The following NEB variants were observed in gnomAD, a reference collection of about 807,000 sequenced individuals.
NEB encodes the protein nemaline myopathy type 2.
A neutral mutation model predicts 952.2 loss-of-function variants in NEB; 512 were observed. The ratio of observed to expected loss-of-function variants is 0.54; its 90% CI spans 0.50 to 0.58. The LOEUF (loss-of-function observed/expected upper bound fraction) is 0.58, where lower values mean the gene tolerates loss of function less well. NEB is among the 20% of genes least tolerant of loss of function. The pLI is 0.00. For missense variants in NEB, 8,428 were observed against 9,231.1 expected (o/e 0.91, Z 3.56); for synonymous variants, 2,900 against 3,149.8 (o/e 0.92, Z 2.66).
rs1248855273 is a variant in NEB, at chr2:151,655,383, T to TG, written c.6703-10dup. 2.0e-6 allele frequency: 3 copies of TG among 1,490,440 alleles called. No individual in the cohort carries two copies. Among genetic ancestry groups the TG allele is most frequent in the South Asian group, 1.3e-5 (1 of 78,676 alleles). 92.3% of individuals were successfully genotyped at this position (1,490,440 alleles called of 1,614,324 possible). On this transcript the variant is annotated splice_polypyrimidine_tract_variant and intron_variant, in intron 50 of 181. Transcript: ENST00000397345. ...TCAATGGTGTATAAATGCTAGGAAG[T>TG]GGGAAAAAAAGACATGAAATTTGAA... is the stretch of plus-strand genomic sequence containing the variant.
chr2:151,509,796 G>T (rs1423935800), intron 161 of NEB, among the ~76,000 whole-genome samples: 1 of 152,062 alleles, frequency 6.6e-6, no homozygotes, highest in East Asian at 1.9e-4. Context: ...ACCAGCTAAT[G>T]ATGGGGTTTC....
chr2:151,512,019 C>CTTTTTTTTTTTTTTT (rs71403173), intron 161 of NEB, among the ~76,000 whole-genome samples: 3 of 93,586 alleles, frequency 3.2e-5, no homozygotes, highest in African/African-American at 1.3e-4. Context: ...CCCTCTCACT[C>CTTTTTTTTTTTTTTT]TTTTTTTTTT....
intron 29 of NEB, among the ~76,000 whole-genome samples, chr2:151,682,262 T>C (rs2099420678): frequency 1.3e-5 from 2 of 152,188 alleles, no homozygotes; most frequent in Non-Finnish European, 2.9e-5. Flanking sequence ...TAAAATTCAA[T>C]TGCAGTGATG....
At chr2:151,499,090 C>T (rs2062482493) in intron 169 of NEB, among the ~76,000 whole-genome samples, 1 of 152,018 alleles carries the variant, frequency 6.6e-6, no homozygotes, top group Non-Finnish European at 1.5e-5. Flanking sequence ...GAATATAATA[C>T]TGAACACTTT....
rs1389126871 is a variant in NEB at position 151,595,492 on chromosome 2, C to T, written c.14205+568G>A. Among the ~76,000 whole-genome samples, 5 of 145,406 alleles carry T rather than the reference C, an allele frequency of 3.4e-5. No homozygotes were observed. In the South Asian group the frequency reaches 6.6e-4, roughly 19 times the overall value. Reference sequence around the variant, plus strand: ...TTTACCATGTTGGCCAGGCTGGTCTCGAACTCCTGACCTCAGGTGATCCGC... The same window carrying T: ...TTTACCATGTTGGCCAGGCTGGTCTTGAACTCCTGACCTCAGGTGATCCGC... On this transcript the variant is annotated intron_variant, in intron 92 of 181. Coordinates refer to ENST00000397345, the MANE Select transcript of NEB (RefSeq NM_001164508.2).
chr2:151,496,840 C>T (rs1434055574), intron 172 of NEB, 101 bp downstream of exon 172: 16 of 1,338,252 alleles, frequency 1.2e-5, no homozygotes, highest in African/African-American at 1.0e-4. Flanking sequence ...AAGAAGTTCA[C>T]AAAATTTGTC....
rs373945534 is a variant in NEB, at chr2:151,526,948, G to A, written c.21915C>T (p.Leu7305=). 3.7e-6 allele frequency: 6 copies of A among 1,601,622 alleles called. No individual in the cohort carries two copies. The highest frequency in any genetic ancestry group is 1.3e-5 in the African/African-American group (1 of 74,814). Residue 7305 remains leucine (L), a synonymous_variant, in exon 148 of 182, where the codon CTC becomes CTT. Coordinates refer to ENST00000397345, the MANE Select transcript of NEB (RefSeq NM_001164508.2). The part of the protein sequence containing the change: ...LSVTDDKNTV[L]ALRNTLIESD... Reference sequence around the variant, plus strand: ...TTTCTATTAAAGTATTCCTGAGGGCGAGCACCGTGTTTTTGTCATCAGTGA... The same window carrying A: ...TTTCTATTAAAGTATTCCTGAGGGCAAGCACCGTGTTTTTGTCATCAGTGA...
chr2:151,658,599 A>T (rs2099112077), intron 47 of NEB, among the ~76,000 whole-genome samples: 1 of 152,220 alleles, frequency 6.6e-6, no homozygotes, highest in Non-Finnish European at 1.5e-5. Flanking sequence ...ATGAAAAAGG[A>T]AATGAAATAA....
rs1227541682 is a variant in NEB at position 151,491,548 on chromosome 2, AT to A, written c.25150+134del. On this transcript the variant is annotated intron_variant, in intron 179 of 181. Coordinates refer to ENST00000397345, the MANE Select transcript of NEB (RefSeq NM_001164508.2). Reference sequence around the variant, plus strand: ...AGTTTTGCTCACTAGTTAACAAGGTATTTTTATGCCAAATGGGCAGCTCAGA... The same window carrying A: ...AGTTTTGCTCACTAGTTAACAAGGTATTTTATGCCAAATGGGCAGCTCAGA... The A allele has an allele frequency of 5.2e-6, 4 of 762,276 alleles. No individual in the cohort carries two copies. The African/African-American group carries it at 7.1e-5, about 13-fold the overall frequency. The allele number at this position is 762,276 out of a possible 1,614,324, so 47.2% of individuals were successfully genotyped here. A position where few individuals can be genotyped will look rare whatever the true frequency, so the allele number is the denominator to read the frequency against.
rs2099581961 is a variant in NEB, at chr2:151,694,568, G to A, written c.1736C>T (p.Ala579Val). The A allele has an allele frequency of 6.2e-7, 1 of 1,610,162 alleles. No homozygotes were observed. The highest frequency in any genetic ancestry group is 1.7e-5 in the Admixed American group (1 of 59,170). The change falls in exon 19 of 182, where the codon GCC (alanine) becomes GTC (valine). Residue 579 changes from alanine to valine, a missense_variant. This residue lies in a region of NEB where 2,851 missense variants were observed against 2,791.5 expected (regional missense o/e 1.02). Transcript: ENST00000397345. Reference sequence around the variant, plus strand: ...GGCTTTGGCTGCCAGCAGGGGAATGGCATCCACTTTAATGTCAAACTTTTT... The same window carrying A: ...GGCTTTGGCTGCCAGCAGGGGAATGACATCCACTTTAATGTCAAACTTTTT... ...KAKKFDIKVD[A>V]IPLLAAKANT...
At chr2:151,654,583 GATGT>G (rs1304540412) in intron 51 of NEB, among the ~76,000 whole-genome samples, 1 of 152,176 alleles carries the variant, frequency 6.6e-6, no homozygotes, top group African/African-American at 2.4e-5. Flanking sequence ...TGATTGAATG[GATGT>G]ATGTGTGTTA....
chr2:151,510,976 A>T (rs993867483), intron 161 of NEB, among the ~76,000 whole-genome samples: 6 of 152,238 alleles, frequency 3.9e-5, no homozygotes, highest in African/African-American at 1.4e-4. Flanking sequence ...TTACCATTCA[A>T]CTGTAAATAC....
At chr2:151,630,885 A>G (rs894764380) in intron 66 of NEB, 66 bp from the exon 67 acceptor site, 23 of 1,398,960 alleles carry the variant, frequency 1.6e-5, no homozygotes, top group Non-Finnish European at 2.1e-5. Context: ...AGTTCATTTA[A>G]AACTGTTATT....
chr2:151,497,617 C>A lies in NEB; in HGVS notation c.24300+9G>T, dbSNP rs1336853245. On this transcript the variant is annotated intron_variant, in intron 171 of 181. Coordinates refer to ENST00000397345, the MANE Select transcript of NEB (RefSeq NM_001164508.2). ...AATAAGTAGTTTTTTTCTTTTCTTGCCAAAGTACCGAGCTAATATTTTCTT... is the reference window on the plus strand; with the variant it reads ...AATAAGTAGTTTTTTTCTTTTCTTGACAAAGTACCGAGCTAATATTTTCTT... The A allele has an allele frequency of 1.3e-6, 2 of 1,561,778 alleles. No individual in the cohort carries two copies. The highest frequency in any genetic ancestry group is 1.2e-5 in the South Asian group (1 of 84,072).
At chr2:151,556,422 G>T (rs1422716444) in intron 124 of NEB, among the ~76,000 whole-genome samples, 1 of 152,166 alleles carries the variant, frequency 6.6e-6, no homozygotes, top group Non-Finnish European at 1.5e-5. Context: ...ATTTCCCACT[G>T]TGAGTCATGG....
At chr2:151,664,716 C>T (rs1324140216) in intron 43 of NEB, 43 bp downstream of exon 43, 1 of 1,551,916 alleles carries the variant, frequency 6.4e-7, no homozygotes, top group Non-Finnish European at 8.8e-7. Context: ...TATCAGTTCC[C>T]TTTAACCTTC....
Position 151,631,354 on chromosome 2 carries a change from G to A in NEB, c.9415-8C>T, listed in dbSNP as rs762399109. The A allele has an allele frequency of 2.5e-6, 4 of 1,603,148 alleles. No homozygotes were observed. Among genetic ancestry groups the A allele is most frequent in the Non-Finnish European group, 3.4e-6 (4 of 1,172,530 alleles). ...ATCTGACTTGTAAATATTCTGAGCA[G>A]AGGAAAAAAGTCAAAAACTCTTCAT... On this transcript the variant is annotated splice_region_variant and splice_polypyrimidine_tract_variant and intron_variant, in intron 65 of 181. Coordinates refer to ENST00000397345, the MANE Select transcript of NEB (RefSeq NM_001164508.2).
intron 161 of NEB, among the ~76,000 whole-genome samples, chr2:151,509,106 T>G (rs540368653): frequency 6.6e-6 from 1 of 152,336 alleles, no homozygotes; most frequent in African/African-American, 2.4e-5. Context: ...ATGTACTTTG[T>G]TAATATAGGA....
chr2:151,494,282 CA>C, intron 173 of NEB, 29 bp from the exon 174 acceptor site: 1 of 1,456,274 alleles, frequency 6.9e-7, no homozygotes. Flanking sequence ...TCCAAAAAGC[CA>C]AAAAGAAAAA....
Sources: allele counts gnomAD v4.1 joint callset (sites outside exome capture counted in the v4.1 genomes callset), GRCh38; gene constraint gnomAD v4.1.1; regional missense constraint gnomAD v4.1.1; transcripts MANE v1.5; gene names NCBI Gene and HGNC (gene_info 2026-07-23, HGNC 2026-07-21).